Variants in GRIK4 observed in about 807,000 individuals in gnomAD.
The protein encoded by GRIK4 is glutamate receptor ionotropic, kainate 4.
In GRIK4, 40 loss-of-function variants were observed where a neutral mutation model predicts 104.9. That is an observed-to-expected ratio of 0.38 (90% CI 0.30 to 0.50). GRIK4 has a LOEUF of 0.50. Among genes scored for constraint, GRIK4 ranks in the 20% least tolerant of loss-of-function variants. GRIK4 has a pLI of 0.93. For synonymous variants in GRIK4, 485 were observed against 524.9 expected (o/e 0.92, Z 1.04); for missense variants, 1,047 against 1,308.1 (o/e 0.80, Z 3.08).
intron 8 of GRIK4, among the ~76,000 whole-genome samples, chr11:120,855,262 C>T (rs1954073944): frequency 6.6e-6 from 1 of 152,304 alleles, no homozygotes; most frequent in East Asian, 1.9e-4. Flanking sequence ...CACAAGCCTG[C>T]AGTTATACTG....
intron 1 of GRIK4, among the ~76,000 whole-genome samples, chr11:120,514,410 A>ATCCAAGGCTCCACAGCTGGG (rs1947698772): frequency 6.6e-6 from 1 of 152,192 alleles, no homozygotes; most frequent in Non-Finnish European, 1.5e-5. Flanking sequence ...TGGATGCCTC[A>ATCCAAGGCTCCACAGCTGGG]TCCAAGGCTC....
chr11:120,862,445 C>A (rs1678626633), intron 9 of GRIK4, among the ~76,000 whole-genome samples: 1 of 152,178 alleles, frequency 6.6e-6, no homozygotes, highest in Non-Finnish European at 1.5e-5. Context: ...GTTGGAAGGG[C>A]CTTTAAGCTG....
intron 13 of GRIK4, among the ~76,000 whole-genome samples, chr11:120,908,970 C>T (rs4604898): frequency 6.6e-6 from 1 of 152,260 alleles, no homozygotes; most frequent in Non-Finnish European, 1.5e-5. Context: ...TTGCCTGCAG[C>T]TGGATGCACC....
chr11:120,601,005 G>A (rs969404815), intron 1 of GRIK4, among the ~76,000 whole-genome samples: 1 of 152,158 alleles, frequency 6.6e-6, no homozygotes, highest in African/African-American at 2.4e-5. Flanking sequence ...GTAGTGAGCC[G>A]GATCGTGCCA....
Position 120,905,175 on chromosome 11 carries a change from T to C in GRIK4, c.1273-115T>C, listed in dbSNP as rs1050595642. ...AAAGTAGCCCATTACCCACGTCAGT[T>C]TCCTCCTTCTGCCCCATGTCCTCCC... On this transcript the variant is annotated intron_variant, in intron 12 of 20. Coordinates refer to ENST00000527524, the MANE Select transcript of GRIK4 (RefSeq NM_014619.5). This position sits in a 1 kb window ranked among gnomAD's most constrained non-coding sequence, Gnocchi z 5.1. 4 of 766,278 alleles carry C rather than the reference T, an allele frequency of 5.2e-6. No individual in the cohort carries two copies. The East Asian group carries it at 7.3e-5, about 14-fold the overall frequency. The allele number at this position is 766,278 out of a possible 1,614,324, so 47.5% of individuals were successfully genotyped here.
intron 1 of GRIK4, among the ~76,000 whole-genome samples, chr11:120,648,489 C>T (rs1348872899): frequency 6.6e-6 from 1 of 152,128 alleles, no homozygotes; most frequent in Admixed American, 6.5e-5. Context: ...CAGGTGAATA[C>T]CAGCTGTGGA....
intron 6 of GRIK4, among the ~76,000 whole-genome samples, chr11:120,831,300 C>T (rs1953421366): frequency 6.6e-6 from 1 of 152,238 alleles, no homozygotes; most frequent in African/African-American, 2.4e-5. Context: ...CCCAGTGTAA[C>T]ATTTGTGAGG....
chr11:120,568,043 T>G (rs1948352570), intron 1 of GRIK4, among the ~76,000 whole-genome samples: 1 of 152,148 alleles, frequency 6.6e-6, no homozygotes, highest in Non-Finnish European at 1.5e-5. Context: ...CTGGGCATGG[T>G]GGTGCCTGCC....
intron 1 of GRIK4, among the ~76,000 whole-genome samples, chr11:120,632,578 C>T (rs1032686153): frequency 6.6e-6 from 1 of 152,102 alleles, no homozygotes; most frequent in Non-Finnish European, 1.5e-5. Flanking sequence ...ACACTTGTCC[C>T]CGTTTGTCCC....
intron 1 of GRIK4, among the ~76,000 whole-genome samples, chr11:120,526,084 G>A (rs80179027): frequency 6.6e-6 from 1 of 152,192 alleles, no homozygotes; most frequent in African/African-American, 2.4e-5. Flanking sequence ...AGCTGGGATA[G>A]CAGTTAGCCT....
rs115578637 is a variant in GRIK4 at position 120,515,098 on chromosome 11, C to T, written c.-159+3211C>T. On this transcript the variant is annotated intron_variant, in intron 1 of 20. Coordinates refer to ENST00000527524, the MANE Select transcript of GRIK4 (RefSeq NM_014619.5). ...CGCTGACCCCAACTTTATGTCACAA[C>T]GTGGTGTCTGGCATGATCTTGTCCC... is the stretch of plus-strand genomic sequence containing the variant. 3.5e-5 allele frequency: 16 copies of T among 454,214 alleles called. No homozygotes were observed. The East Asian group carries it at 9.7e-4, about 28-fold the overall frequency. 28.1% of individuals were successfully genotyped at this position (454,214 alleles called of 1,614,324 possible). A position where few individuals can be genotyped will look rare whatever the true frequency, so the allele number is the denominator to read the frequency against.
Position 120,988,597 on chromosome 11 carries a change from G to T in GRIK4, c.*2337G>T, listed in dbSNP as rs935865095. ...GTTTCTGTTAGCTGCTGAGACCAGG[G>T]CCTCACCTTGCTCAAGCTAGTGGGT... On this transcript the variant is annotated 3_prime_UTR_variant, in exon 21 of 21. Transcript: ENST00000527524. The T allele has an allele frequency of 4.6e-5, 7 of 152,266 alleles. No homozygotes were observed. Among genetic ancestry groups the T allele is most frequent in the African/African-American group, 1.7e-4 (7 of 41,546 alleles). The allele number at this position is 152,266 out of a possible 1,614,324, so 9.4% of individuals were successfully genotyped here. A position where few individuals can be genotyped will look rare whatever the true frequency, so the allele number is the denominator to read the frequency against.
intron 8 of GRIK4, among the ~76,000 whole-genome samples, chr11:120,842,652 C>T (rs12280746): frequency 0.023 from 3,439 of 152,256 alleles, 136 homozygotes; most frequent in African/African-American, 0.078. Flanking sequence ...GTCAGCTTCC[C>T]GTGTTCTCTT....
chr11:120,681,779 G>A (rs1430249174), intron 3 of GRIK4, among the ~76,000 whole-genome samples: 1 of 152,214 alleles, frequency 6.6e-6, no homozygotes, highest in South Asian at 2.1e-4. Context: ...GGCAGAAATG[G>A]GCTGGAGGGG....
chr11:120,644,240 A>G (rs1274231673), intron 1 of GRIK4, among the ~76,000 whole-genome samples: 2 of 152,214 alleles, frequency 1.3e-5, no homozygotes, highest in Admixed American at 6.5e-5. Flanking sequence ...TGTTGAATGA[A>G]TGAAAGAGCA....
chr11:120,947,228 G>A (rs1331954472), intron 14 of GRIK4, among the ~76,000 whole-genome samples: 4 of 151,906 alleles, frequency 2.6e-5, no homozygotes, highest in South Asian at 2.1e-4. Flanking sequence ...ATGGTGAAAC[G>A]CCATCTCTAC....
intron 3 of GRIK4, among the ~76,000 whole-genome samples, chr11:120,765,799 T>C (rs897356960): frequency 2.0e-5 from 3 of 152,214 alleles, no homozygotes; most frequent in African/African-American, 7.2e-5. Flanking sequence ...ACAGCAAAGA[T>C]TGCTGCCTGC....
rs1944752862 is a variant in GRIK4 at position 120,986,322 on chromosome 11, G to T, written c.*62G>T. 2.8e-6 allele frequency: 4 copies of T among 1,412,728 alleles called. No homozygotes were observed. Among genetic ancestry groups the T allele is most frequent in the Non-Finnish European group, 3.7e-6 (4 of 1,088,720 alleles). 87.5% of individuals were successfully genotyped at this position (1,412,728 alleles called of 1,614,324 possible). On this transcript the variant is annotated 3_prime_UTR_variant, in exon 21 of 21. Coordinates refer to ENST00000527524, the MANE Select transcript of GRIK4 (RefSeq NM_014619.5). The stretch of plus-strand genomic sequence containing the variant: ...GCGGGAGGGGAGGGGCGGGGCGGGC[G>T]CTGCTGTCAGCCGCCAGCCGGAACT...
intron 7 of GRIK4, among the ~76,000 whole-genome samples, chr11:120,832,266 C>T (rs1387422996): frequency 2.6e-5 from 4 of 152,216 alleles, no homozygotes; most frequent in Admixed American, 2.6e-4. Context: ...AACGGAGACA[C>T]CTAGATGCTG....
Sources: allele counts gnomAD v4.1 joint callset (sites outside exome capture counted in the v4.1 genomes callset), GRCh38; gene constraint gnomAD v4.1.1; non-coding constraint Gnocchi (gnomAD v3.1); transcripts MANE v1.5; gene names NCBI Gene and HGNC (gene_info 2026-07-23, HGNC 2026-07-21).